MAGI2: variants seen among roughly 807,000 people sequenced by gnomAD.
MAGI2 encodes membrane-associated guanylate kinase, WW and PDZ domain-containing protein 2.
In MAGI2, 35 loss-of-function variants were observed where a neutral mutation model predicts 133.3. The observed-to-expected ratio is 0.26, with a 90% confidence interval of 0.20 to 0.35. The LOEUF is 0.35. Among genes scored for constraint, MAGI2 ranks in the 10% least tolerant of loss-of-function variants. The probability of loss-of-function intolerance (pLI) is 1.00; values close to 1 mark genes in which losing one functional copy is unlikely to be tolerated. For missense variants in MAGI2, 1,636 were observed against 1,863.4 expected (o/e 0.88, Z 2.25); for synonymous variants, 729 against 710.6 (o/e 1.03, Z -0.41).
At chr7:79,438,995 C>T (rs768045094) in intron 1 of MAGI2, among the ~76,000 whole-genome samples, 11 of 152,128 alleles carry the variant, frequency 7.2e-5, no homozygotes, top group Non-Finnish European at 1.5e-4. Context: ...TAAGGCCTTC[C>T]TTTATATGGC....
intron 10 of MAGI2, among the ~76,000 whole-genome samples, chr7:78,249,206 A>G: frequency 6.6e-6 from 1 of 152,048 alleles, no homozygotes; most frequent in East Asian, 1.9e-4. Flanking sequence ...AAAAAGACAA[A>G]AGATAACAAG....
intron 6 of MAGI2, among the ~76,000 whole-genome samples, chr7:78,399,063 A>G (rs1029295984): frequency 2.0e-5 from 3 of 152,208 alleles, no homozygotes; most frequent in Non-Finnish European, 4.4e-5. Flanking sequence ...TTTAGAATTA[A>G]TGTGTCTAAA....
intron 1 of MAGI2, among the ~76,000 whole-genome samples, chr7:79,179,204 C>G (rs1039585027): frequency 3.3e-5 from 5 of 151,792 alleles, no homozygotes; most frequent in African/African-American, 1.2e-4. Context: ...TTTCTGAAAA[C>G]ACCTATTTTT....
chr7:78,723,660 G>A (rs2151205352), intron 2 of MAGI2, among the ~76,000 whole-genome samples: 1 of 152,250 alleles, frequency 6.6e-6, no homozygotes, highest in East Asian at 1.9e-4. Context: ...GCCTAGATTG[G>A]CTAACAATAA....
chr7:78,450,483 C>T (rs530920883), intron 6 of MAGI2, among the ~76,000 whole-genome samples: 1 of 152,062 alleles, frequency 6.6e-6, no homozygotes, highest in Non-Finnish European at 1.5e-5. Flanking sequence ...AATAAGATGA[C>T]TAAGTTGAAT....
intron 1 of MAGI2, among the ~76,000 whole-genome samples, chr7:79,325,719 G>A (rs1040475027): frequency 2.0e-5 from 3 of 152,088 alleles, no homozygotes; most frequent in Non-Finnish European, 4.4e-5. Flanking sequence ...CCTCATAAAA[G>A]TCCATTTTGG....
chr7:78,496,630 T>C (rs1187200560), intron 5 of MAGI2, among the ~76,000 whole-genome samples: 1 of 152,196 alleles, frequency 6.6e-6, no homozygotes, highest in African/African-American at 2.4e-5. Flanking sequence ...TAGTATGAGA[T>C]AATGGGAATG....
intron 9 of MAGI2, among the ~76,000 whole-genome samples, chr7:78,285,225 A>G (rs1459884252): frequency 6.6e-6 from 1 of 152,166 alleles, no homozygotes; most frequent in Non-Finnish European, 1.5e-5. Flanking sequence ...AGGGCAGACA[A>G]TCTAGGTTAC....
intron 1 of MAGI2, among the ~76,000 whole-genome samples, chr7:79,090,831 T>C (rs1254896979): frequency 2.0e-5 from 3 of 152,154 alleles, no homozygotes; most frequent in Non-Finnish European, 2.9e-5. Flanking sequence ...CAAAATTGTA[T>C]TGAAGGTGAA....
intron 9 of MAGI2, among the ~76,000 whole-genome samples, chr7:78,288,330 G>T (rs1796359826): frequency 6.6e-6 from 1 of 152,086 alleles, no homozygotes; most frequent in African/African-American, 2.4e-5. Flanking sequence ...TCGCTTATTT[G>T]TATTTTCCCA....
intron 3 of MAGI2, among the ~76,000 whole-genome samples, chr7:78,573,061 AT>A (rs1454568869): frequency 9.5e-6 from 1 of 105,582 alleles, no homozygotes; most frequent in African/African-American, 3.8e-5. Context: ...ATATATATAT[AT>A]ATATATATAT....
chr7:78,195,409 T>A (rs1045362613), intron 11 of MAGI2, among the ~76,000 whole-genome samples: 1 of 152,224 alleles, frequency 6.6e-6, no homozygotes, highest in African/African-American at 2.4e-5. Context: ...GTGTAGGTGC[T>A]TAGAAATGTA....
At chr7:78,038,192 C>T (rs1050861319) in intron 21 of MAGI2, among the ~76,000 whole-genome samples, 1 of 152,160 alleles carries the variant, frequency 6.6e-6, no homozygotes, top group Non-Finnish European at 1.5e-5. Flanking sequence ...GCAATTTCAG[C>T]CCCTAACACA....
At chr7:78,226,199 C>T (rs1324493774) in intron 10 of MAGI2, among the ~76,000 whole-genome samples, 1 of 152,062 alleles carries the variant, frequency 6.6e-6, no homozygotes, top group African/African-American at 2.4e-5. Context: ...GGACCACTCC[C>T]AGTCAATATG....
At chr7:79,419,292 G>A (rs368036134) in intron 1 of MAGI2, among the ~76,000 whole-genome samples, 8 of 151,806 alleles carry the variant, frequency 5.3e-5, no homozygotes, top group African/African-American at 1.2e-4. Context: ...ACCAACAACC[G>A]ATATGAAAGC....
At chr7:78,216,849 C>T (rs962192974) in intron 10 of MAGI2, among the ~76,000 whole-genome samples, 7 of 152,210 alleles carry the variant, frequency 4.6e-5, no homozygotes, top group Non-Finnish European at 8.8e-5. Context: ...TATTACACTT[C>T]TTGGGGCTAG....
intron 2 of MAGI2, among the ~76,000 whole-genome samples, chr7:78,826,850 G>T (rs960102903): frequency 6.6e-6 from 1 of 152,006 alleles, no homozygotes; most frequent in Non-Finnish European, 1.5e-5. Flanking sequence ...TATCTAGTTC[G>T]CGAAAGTGTG....
At chr7:78,634,450 C>T (rs1015584954) in intron 2 of MAGI2, among the ~76,000 whole-genome samples, 10 of 152,076 alleles carry the variant, frequency 6.6e-5, no homozygotes, top group South Asian at 2.1e-4. Flanking sequence ...GTTGATGTTA[C>T]GTCAATGGGC....
At chr7:78,631,219 C>T (rs1227442623) in intron 2 of MAGI2, among the ~76,000 whole-genome samples, 1 of 152,212 alleles carries the variant, frequency 6.6e-6, no homozygotes, top group African/African-American at 2.4e-5. Context: ...CACCATTCTT[C>T]TAGTTGTGCT....
Sources: allele counts gnomAD v4.1 joint callset (sites outside exome capture counted in the v4.1 genomes callset), GRCh38; gene constraint gnomAD v4.1.1; transcripts MANE v1.5; gene names NCBI Gene and HGNC (gene_info 2026-07-23, HGNC 2026-07-21).